The following FSTL5 variants were observed in gnomAD, a reference collection of about 807,000 sequenced individuals.
FSTL5 encodes the protein follistatin like 5, also known as follistatin-related protein 5.
FSTL5 carries 62 observed loss-of-function variants against 89.1 expected under a neutral mutation model. The ratio of observed to expected loss-of-function variants is 0.70; its 90% CI spans 0.57 to 0.86. FSTL5 has a LOEUF of 0.86. Ranked by LOEUF, FSTL5 falls within the 40% of genes least tolerant of loss-of-function variation. The pLI, the probability that FSTL5 is intolerant of heterozygous loss-of-function variation, is 0.00. For missense variants in FSTL5, 1,057 were observed against 1,001.6 expected, an observed-to-expected ratio of 1.06 and a Z score of -0.75; for synonymous variants, 383 against 346.2, an observed-to-expected ratio of 1.11 and a Z score of -1.18.
intron 6 of FSTL5, among the ~76,000 whole-genome samples, chr4:161,734,264 T>G (rs1231256450): frequency 6.6e-6 from 1 of 152,218 alleles, no homozygotes; most frequent in East Asian, 1.9e-4. Flanking sequence ...TAACTCCAAG[T>G]ACTTAAAGTT....
At chr4:161,507,197 TTAAG>T (rs1490064969) in intron 11 of FSTL5, among the ~76,000 whole-genome samples, 1 of 151,920 alleles carries the variant, frequency 6.6e-6, no homozygotes, top group Non-Finnish European at 1.5e-5. Flanking sequence ...ATCAAATAAT[TTAAG>T]TAAGTATAAT....
At chr4:161,548,220 T>G (rs1732070256) in intron 8 of FSTL5, among the ~76,000 whole-genome samples, 1 of 151,912 alleles carries the variant, frequency 6.6e-6, no homozygotes, top group Non-Finnish European at 1.5e-5. Context: ...TGCTCACTTT[T>G]GTTCATTTAA....
rs1217382248 is a variant in FSTL5, at chr4:161,653,201, TG to T, written c.894+3126del. Among the ~76,000 whole-genome samples, 9 of 152,308 alleles carry T rather than the reference TG, an allele frequency of 5.9e-5. No homozygotes were observed. In the East Asian group the frequency reaches 1.7e-3, roughly 29 times the overall value. ...ATTCAAGAGAGCAGAGTATCACGCC[TG>T]GGGTCTAAAATGCCAGCAAAGATGC... On this transcript the variant is annotated intron_variant, in intron 7 of 15. Transcript: ENST00000306100.
intron 6 of FSTL5, among the ~76,000 whole-genome samples, chr4:161,738,257 G>C (rs1739889381): frequency 6.6e-6 from 1 of 151,968 alleles, no homozygotes; most frequent in Non-Finnish European, 1.5e-5. Flanking sequence ...CAAAGTTCTT[G>C]TGCTCAGGAG....
At chr4:161,992,940 ATGTGTG>A (rs1253689041) in intron 3 of FSTL5, among the ~76,000 whole-genome samples, 42 of 5,442 alleles carry the variant, frequency 7.7e-3, no homozygotes, top group Non-Finnish European at 0.027. Flanking sequence ...GTATATATAT[ATGTGTG>A]TATATCTATA....
At chr4:162,049,830 A>G (rs1738322340) in intron 2 of FSTL5, among the ~76,000 whole-genome samples, 1 of 152,118 alleles carries the variant, frequency 6.6e-6, no homozygotes, top group Non-Finnish European at 1.5e-5. Context: ...TATACTTCAG[A>G]AAACAGTTTA....
At chr4:161,472,138 G>T (rs184035143) in intron 13 of FSTL5, among the ~76,000 whole-genome samples, 1 of 151,824 alleles carries the variant, frequency 6.6e-6, no homozygotes, top group Non-Finnish European at 1.5e-5. Flanking sequence ...CACCACGCCC[G>T]GCTAATTTTT....
intron 13 of FSTL5, among the ~76,000 whole-genome samples, chr4:161,461,360 G>A (rs1733574396): frequency 6.7e-6 from 1 of 148,862 alleles, no homozygotes; most frequent in African/African-American, 2.5e-5. Context: ...TGCTCGGGAG[G>A]CTGAGGCAGG....
At chr4:162,046,695 TA>T (rs2111243309) in intron 2 of FSTL5, among the ~76,000 whole-genome samples, 2 of 152,260 alleles carry the variant, frequency 1.3e-5, no homozygotes, top group South Asian at 4.1e-4. Context: ...TGATGATTTT[TA>T]AAAACATAAA....
At chr4:161,467,715 G>A (rs1733793978) in intron 13 of FSTL5, among the ~76,000 whole-genome samples, 1 of 152,078 alleles carries the variant, frequency 6.6e-6, no homozygotes. Context: ...CTAAGGTAAT[G>A]TTAAGACAAA....
At chr4:161,692,256 A>G (rs1410234979) in intron 6 of FSTL5, among the ~76,000 whole-genome samples, 1 of 151,578 alleles carries the variant, frequency 6.6e-6, no homozygotes, top group Non-Finnish European at 1.5e-5. Context: ...GCTATCATTC[A>G]TTTTTATTTT....
chr4:161,826,384 T>C (rs570761080), intron 4 of FSTL5, among the ~76,000 whole-genome samples: 105 of 152,334 alleles, frequency 6.9e-4, no homozygotes, highest in African/African-American at 1.9e-3. Context: ...TAAATATCTA[T>C]TAAGTCTATC....
At chr4:161,794,788 A>C (rs1729580269) in intron 4 of FSTL5, among the ~76,000 whole-genome samples, 1 of 152,102 alleles carries the variant, frequency 6.6e-6, no homozygotes, top group Admixed American at 6.6e-5. Context: ...CTTGAATTGG[A>C]TTTTGTACTC....
At chr4:161,748,329 A>T (rs1046231301) in intron 6 of FSTL5, among the ~76,000 whole-genome samples, 4 of 152,206 alleles carry the variant, frequency 2.6e-5, no homozygotes, top group Non-Finnish European at 4.4e-5. Flanking sequence ...TACCTTTTTA[A>T]ACATAAATAT....
intron 10 of FSTL5, among the ~76,000 whole-genome samples, chr4:161,524,866 G>A (rs1470726835): frequency 6.6e-6 from 1 of 151,754 alleles, no homozygotes; most frequent in African/African-American, 2.4e-5. Flanking sequence ...GCTGAGGCAG[G>A]AGAACCTCTT....
intron 1 of FSTL5, among the ~76,000 whole-genome samples, chr4:162,120,209 G>A (rs563100376): frequency 2.0e-5 from 3 of 152,106 alleles, no homozygotes; most frequent in South Asian, 2.1e-4. Context: ...GATGTAAAAC[G>A]TACAGGAATT....
chr4:162,117,075 C>A (rs1047488401), intron 1 of FSTL5, among the ~76,000 whole-genome samples: 1 of 152,280 alleles, frequency 6.6e-6, no homozygotes, highest in Admixed American at 6.5e-5. Context: ...TTCTTACATT[C>A]CACAGACTTC....
intron 3 of FSTL5, among the ~76,000 whole-genome samples, chr4:161,974,966 A>G (rs1578908156): frequency 1.4e-5 from 2 of 144,784 alleles, no homozygotes; most frequent in East Asian, 4.2e-4. Context: ...ACTTCTCAAA[A>G]GAAGACATTT....
At chr4:161,793,916 CA>C (rs1729552292) in intron 4 of FSTL5, among the ~76,000 whole-genome samples, 1 of 151,952 alleles carries the variant, frequency 6.6e-6, no homozygotes, top group African/African-American at 2.4e-5. Context: ...GCCAAGAAAC[CA>C]TTTATAATAT....
Sources: allele counts gnomAD v4.1 joint callset (sites outside exome capture counted in the v4.1 genomes callset), GRCh38; gene constraint gnomAD v4.1.1; transcripts MANE v1.5; gene names NCBI Gene and HGNC (gene_info 2026-07-23, HGNC 2026-07-21).